MOV10L1: variants seen among roughly 807,000 people sequenced by gnomAD.
MOV10L1 encodes the protein Mov10 like RNA helicase 1, also known as RNA helicase Mov10l1.
MOV10L1 carries 110 observed loss-of-function variants against 143.8 expected under a neutral mutation model. That is an observed-to-expected ratio of 0.76 (90% CI 0.66 to 0.90). The LOEUF (loss-of-function observed/expected upper bound fraction) is 0.90, where lower values mean the gene tolerates loss of function less well. Among genes scored for constraint, MOV10L1 ranks in the 40% least tolerant of loss-of-function variants. MOV10L1 has a pLI of 0.00. For missense variants in MOV10L1, 1,406 were observed against 1,526.8 expected, an observed-to-expected ratio of 0.92 and a Z score of 1.32; for synonymous variants, 593 against 581.1, an observed-to-expected ratio of 1.02 and a Z score of -0.29.
chr22:50,107,827 G>A (rs993764918), intron 3 of MOV10L1, among the ~76,000 whole-genome samples: 11 of 152,164 alleles, frequency 7.2e-5, no homozygotes, highest in East Asian at 1.9e-4. Context: ...ACTGCAGGAC[G>A]GGGGAAGGGG....
chr22:50,113,296 A>G (rs1306852133), intron 5 of MOV10L1, among the ~76,000 whole-genome samples: 2 of 152,170 alleles, frequency 1.3e-5, no homozygotes. Context: ...TGCTTCCCCC[A>G]CCACCACCTT....
intron 15 of MOV10L1, among the ~76,000 whole-genome samples, chr22:50,141,391 C>T (rs2062982011): frequency 1.3e-5 from 2 of 151,710 alleles, no homozygotes; most frequent in Admixed American, 1.3e-4. Flanking sequence ...AGTTGGTCGC[C>T]CAATCTCCAC....
rs2062116103 is a variant in MOV10L1 at position 50,114,605 on chromosome 22, A to G, written c.1109A>G (p.Asn370Ser). The change falls in exon 7 of 27, where the codon AAC becomes AGC. Residue 370 changes from asparagine to serine, a missense_variant. Physicochemically the swap from Asn to Ser is conservative, Grantham distance 46. Coordinates refer to ENST00000262794, the MANE Select transcript of MOV10L1 (RefSeq NM_018995.3). ...ATGTCGGAGAGCAGTTTGGTGAACA[A>G]CAGAGGAATCTCTCCAGGTAGTGGA... ...SQMSESSLVN[N>S]RGISPGDCTC... 2.5e-6 allele frequency: 4 copies of G among 1,613,926 alleles called. No individual in the cohort carries two copies. The highest frequency in any genetic ancestry group is 1.1e-5 in the South Asian group (1 of 91,084).
Position 50,099,424 on chromosome 22 carries a change from C to T in MOV10L1, c.283-19C>T, listed in dbSNP as rs773324505. ...GTAGTTCTCGTATTATGGTTTAGAG[C>T]GGTGTGTTTGTTTTACAGGTAGAAG... On this transcript the variant is annotated intron_variant, in intron 2 of 26. Coordinates refer to ENST00000262794, the MANE Select transcript of MOV10L1 (RefSeq NM_018995.3). 13 of 1,611,372 alleles carry T rather than the reference C, an allele frequency of 8.1e-6. No individual in the cohort carries two copies. Among genetic ancestry groups the T allele is most frequent in the African/African-American group, 6.7e-5 (5 of 74,850 alleles).
At chr22:50,138,126 C>A (rs1236305290) in intron 15 of MOV10L1, among the ~76,000 whole-genome samples, 1 of 152,082 alleles carries the variant, frequency 6.6e-6, no homozygotes, top group Non-Finnish European at 1.5e-5. Context: ...AAGGAAATTT[C>A]TTTTACCTAC....
At chr22:50,160,556 G>GT (rs1448075715) in intron 24 of MOV10L1, 132 bp from the exon 25 acceptor site, 68 of 1,232,458 alleles carry the variant, frequency 5.5e-5, no homozygotes, top group Non-Finnish European at 7.2e-5. Context: ...CCGGCCTCCT[G>GT]TTTCTTTTTG....
intron 3 of MOV10L1, among the ~76,000 whole-genome samples, chr22:50,099,952 G>C (rs188408030): frequency 7.2e-5 from 11 of 152,194 alleles, no homozygotes; most frequent in Non-Finnish European, 1.3e-4. Flanking sequence ...TGGACTATGG[G>C]AGAGGGCACC....
intron 15 of MOV10L1, among the ~76,000 whole-genome samples, chr22:50,140,439 A>T (rs1187665110): frequency 6.6e-6 from 1 of 152,206 alleles, no homozygotes; most frequent in African/African-American, 2.4e-5. Flanking sequence ...GGAGGAGGTT[A>T]TAGGCATAAC....
intron 22 of MOV10L1, 87 bp downstream of exon 22, chr22:50,153,305 C>T: frequency 7.0e-7 from 1 of 1,433,544 alleles, no homozygotes; most frequent in Non-Finnish European, 9.5e-7. Flanking sequence ...GGCTCTGTCA[C>T]CTGCCTGTGG....
intron 19 of MOV10L1, 50 bp downstream of exon 19, chr22:50,145,860 G>C: frequency 6.2e-7 from 1 of 1,607,872 alleles, no homozygotes; most frequent in Non-Finnish European, 8.5e-7. Context: ...GGCAGAGGTC[G>C]GAGTCCTCTC....
At chr22:50,160,860 T>C (rs1234651593) in intron 25 of MOV10L1, 35 bp downstream of exon 25, 8 of 1,613,538 alleles carry the variant, frequency 5.0e-6, no homozygotes, top group Non-Finnish European at 6.8e-6. Context: ...CTGTGATCAC[T>C]TAAGGAGGGA....
chr22:50,157,761 CAAAAAA>C (rs35212822), intron 22 of MOV10L1, among the ~76,000 whole-genome samples: 2 of 120,322 alleles, frequency 1.7e-5, no homozygotes, highest in African/African-American at 3.4e-5. Context: ...GGTCTAATAT[CAAAAAA>C]AAAAAAAAAA....
intron 3 of MOV10L1, 56 bp from the exon 4 acceptor site, chr22:50,108,080 C>T: frequency 1.3e-6 from 2 of 1,498,018 alleles, no homozygotes; most frequent in Non-Finnish European, 1.9e-6. Context: ...GCACCATGAC[C>T]TCAGAATAAC....
At chr22:50,136,560 T>C (rs2062828273) in intron 15 of MOV10L1, among the ~76,000 whole-genome samples, 2 of 152,190 alleles carry the variant, frequency 1.3e-5, no homozygotes, top group Non-Finnish European at 2.9e-5. Flanking sequence ...GGTGACCTCA[T>C]GGTTTTCCCA....
Position 50,141,539 on chromosome 22 carries a change from C to A in MOV10L1, c.2071-542C>A, listed in dbSNP as rs962636501. ...ATTTTTGCTAGAAACAGGGTTTCACCATGTTGCCCAGGCTAGTCTTAAACT... is the reference window on the plus strand; with the variant it reads ...ATTTTTGCTAGAAACAGGGTTTCACAATGTTGCCCAGGCTAGTCTTAAACT... On this transcript the variant is annotated intron_variant, in intron 15 of 26. Coordinates refer to ENST00000262794, the MANE Select transcript of MOV10L1 (RefSeq NM_018995.3). 9.4e-5 allele frequency among the ~76,000 whole-genome samples: 14 copies of A among 148,488 alleles called. No homozygotes were observed. The South Asian group carries it at 3.0e-3, about 32-fold the overall frequency.
chr22:50,131,277 T>C (rs973720495), intron 13 of MOV10L1, among the ~76,000 whole-genome samples: 1 of 152,150 alleles, frequency 6.6e-6, no homozygotes, highest in African/African-American at 2.4e-5. Context: ...CCTCAAGTCT[T>C]TGGGCCCATT....
At chr22:50,135,193 T>C (rs2062789699) in intron 15 of MOV10L1, among the ~76,000 whole-genome samples, 1 of 151,952 alleles carries the variant, frequency 6.6e-6, no homozygotes, top group African/African-American at 2.4e-5. Context: ...TTTGTATTTT[T>C]AGTAGAAACA....
chr22:50,115,224 A>C lies in MOV10L1; in HGVS notation c.1237A>C (p.Ile413Leu), dbSNP rs1173090304. 2 of 1,531,664 alleles carry C rather than the reference A, an allele frequency of 1.3e-6. No individual in the cohort carries two copies. Among genetic ancestry groups the C allele is most frequent in the African/African-American group, 1.4e-5 (1 of 69,022 alleles). The allele number at this position is 1,531,664 out of a possible 1,614,324, so 94.9% of individuals were successfully genotyped here. The change falls in exon 8 of 27, where the codon ATT (isoleucine) becomes CTT (leucine). Residue 413 changes from isoleucine to leucine, a missense_variant. Transcript: ENST00000262794. Reference protein sequence around the residue: ...GLVPPGGKTFIVVICDGKNPG... With the variant: ...GLVPPGGKTFLVVICDGKNPG... ...TGTCCCTCCAGGGGGAAAAACCTTCATTGTGGTCATCTGTGACGGAAAGTA... is the reference window on the plus strand; with the variant it reads ...TGTCCCTCCAGGGGGAAAAACCTTCCTTGTGGTCATCTGTGACGGAAAGTA...
At chr22:50,113,578 A>T (rs760979030) in intron 5 of MOV10L1, 70 bp from the exon 6 acceptor site, 4 of 1,570,098 alleles carry the variant, frequency 2.5e-6, no homozygotes, top group Admixed American at 1.8e-5. Context: ...GTCTATCCTC[A>T]GGAGCGGAGG....
Sources: gnomAD v4.1 joint callset for allele counts (sites outside exome capture counted in the v4.1 genomes callset) on GRCh38, gnomAD v4.1.1 for gene constraint, MANE v1.5 for transcripts, NCBI Gene and HGNC (gene_info 2026-07-23, HGNC 2026-07-21) for gene names.